The following CHD8 variants were observed in gnomAD, a reference collection of about 807,000 sequenced individuals.
CHD8 encodes the protein chromodomain helicase DNA binding protein 8, also known as ATP-dependent chromatin remodeler CHD8.
A neutral mutation model predicts 279.2 loss-of-function variants in CHD8; 31 were observed. That is an observed-to-expected ratio of 0.11 (90% CI 0.08 to 0.15). CHD8 has a LOEUF of 0.15. Among genes scored for constraint, CHD8 ranks in the 10% least tolerant of loss-of-function variants. The probability of loss-of-function intolerance (pLI) is 1.00; values close to 1 mark genes in which losing one functional copy is unlikely to be tolerated. For synonymous variants in CHD8, 1,081 were observed against 1,139.6 expected, an observed-to-expected ratio of 0.95 and a Z score of 1.04; for missense variants, 2,146 against 3,230.5, an observed-to-expected ratio of 0.66 and a Z score of 8.14.
At chr14:21,425,800 G>C (rs952978135) in intron 5 of CHD8, 9 of 223,428 alleles carry the variant, frequency 4.0e-5, no homozygotes, top group Non-Finnish European at 6.1e-5. Context: ...GCTGGGCGTG[G>C]TGGTGCATGC....
At position 21,408,869 on chromosome 14, in the gene CHD8, A is replaced by G; in HGVS notation, c.2365-44T>C. On this transcript the variant is annotated intron_variant, in intron 11 of 37. Coordinates refer to ENST00000646647, the MANE Select transcript of CHD8 (RefSeq NM_001170629.2). The surrounding 1 kb of genome is among the most constrained non-coding windows in gnomAD (Gnocchi z 4.3). ...GAATAAATGGAGTGGAGACATTATC[A>G]AAAGGTAAGACTTACTAGGTAAGTT... The G allele has an allele frequency of 6.3e-7, 1 of 1,577,510 alleles. No individual in the cohort carries two copies. The highest frequency in any genetic ancestry group is 8.6e-7 in the Non-Finnish European group (1 of 1,160,558).
rs748734274 is a variant in CHD8, at chr14:21,393,885, T to C, written c.5910A>G (p.Ala1970=). ...GTGACAAGGATGGAGCTGGTGCTCC[T>C]GCTTGATGGTTCTGCATATAATTCA... is the stretch of plus-strand genomic sequence containing the variant. ...ARMNYMQNHQ[A]GAPAPSLSRC... The change falls in exon 32 of 38, where the codon GCA becomes GCG. Residue 1970 remains alanine (A), a synonymous_variant. Coordinates refer to ENST00000646647, the MANE Select transcript of CHD8 (RefSeq NM_001170629.2). The C allele has an allele frequency of 2.2e-5, 36 of 1,614,006 alleles. No homozygotes were observed. Among genetic ancestry groups the C allele is most frequent in the Non-Finnish European group, 3.1e-5 (36 of 1,179,874 alleles).
intron 16 of CHD8, among the ~76,000 whole-genome samples, chr14:21,404,040 A>C (rs2139471411): frequency 6.6e-6 from 1 of 151,654 alleles, no homozygotes; most frequent in East Asian, 1.9e-4. Flanking sequence ...TGGTGGTTGC[A>C]GTGAGCTGAG....
In CHD8 at chr14:21,393,656, G is replaced by A. The variant is rs1304697947; in HGVS notation, c.6139C>T (p.Pro2047Ser). The A allele has an allele frequency of 1.2e-6, 2 of 1,613,658 alleles. No individual in the cohort carries two copies. Among genetic ancestry groups the A allele is most frequent in the African/African-American group, 2.7e-5 (2 of 74,906 alleles). The change falls in exon 32 of 38, where the codon CCC (proline) becomes TCC (serine). Residue 2047 changes from proline to serine, a missense_variant. By Grantham distance (74) the Pro-to-Ser change is moderately conservative (BLOSUM62 -1). Coordinates refer to ENST00000646647, the MANE Select transcript of CHD8 (RefSeq NM_001170629.2). ...TPQDYEMRVS[P>S]SDTTPLVSRS... is the part of the protein sequence containing the mutation. Reference sequence around the variant, plus strand: ...GAAACCAGAGGGGTAGTATCAGAGGGGGATACTCGCATCTCATAGTCTTGT... The same window carrying A: ...GAAACCAGAGGGGTAGTATCAGAGGAGGATACTCGCATCTCATAGTCTTGT...
intron 1 of CHD8, among the ~76,000 whole-genome samples, chr14:21,444,899 C>T (rs1442924493): frequency 6.6e-6 from 1 of 152,062 alleles, no homozygotes; most frequent in Non-Finnish European, 1.5e-5. Context: ...GGCAAGATGT[C>T]ACCTTTGAAC....
chr14:21,439,945 ATTAC>A (rs1176684049), intron 1 of CHD8, among the ~76,000 whole-genome samples: 1 of 152,228 alleles, frequency 6.6e-6, no homozygotes, highest in Non-Finnish European at 1.5e-5. Context: ...AATGCTTCTT[ATTAC>A]TTCAATATGT....
intron 5 of CHD8, among the ~76,000 whole-genome samples, chr14:21,420,807 G>A (rs1889001398): frequency 1.3e-5 from 2 of 151,542 alleles, no homozygotes; most frequent in Non-Finnish European, 2.9e-5. Context: ...TTGTTGCCCA[G>A]GCTGGAGTGC....
intron 37 of CHD8, among the ~76,000 whole-genome samples, chr14:21,386,717 G>A (rs1279889785): frequency 1.3e-5 from 2 of 151,938 alleles, no homozygotes; most frequent in East Asian, 3.9e-4. Context: ...GGCGCCTGTA[G>A]TCCCACAGCT....
intron 1 of CHD8, among the ~76,000 whole-genome samples, chr14:21,440,652 A>G (rs1889933953): frequency 6.6e-6 from 1 of 152,216 alleles, no homozygotes; most frequent in African/African-American, 2.4e-5. Flanking sequence ...AGACATGTAG[A>G]GGAAACTCTA....
At chr14:21,399,015 C>A in intron 26 of CHD8, 1 of 407,054 alleles carries the variant, frequency 2.5e-6, no homozygotes, top group Non-Finnish European at 4.9e-6. Flanking sequence ...AGCCAAGATC[C>A]ACGACAAGGA....
chr14:21,441,844 G>A (rs1255701601), intron 1 of CHD8, among the ~76,000 whole-genome samples: 3 of 152,078 alleles, frequency 2.0e-5, no homozygotes, highest in Admixed American at 2.0e-4. Flanking sequence ...AGCCAAGATT[G>A]CGCCACTGCA....
rs928941438 is a variant in CHD8, at chr14:21,412,936, T to C, written c.2203A>G (p.Ser735Gly). Residue 735 changes from serine (S) to glycine (G), a missense_variant, in exon 10 of 38, where the codon AGT (serine) becomes GGT (glycine). Transcript: ENST00000646647. ...ACCTCCCCATTGTCCTTGTCAATAC[T>C]GTGAGACTCATCCAATATCCTATCC... Reference protein sequence around the residue: ...EVDRILDESHSIDKDNGEPVI... With the variant: ...EVDRILDESHGIDKDNGEPVI... 3.1e-6 allele frequency: 5 copies of C among 1,608,140 alleles called. No individual in the cohort carries two copies. In the African/African-American group the frequency reaches 6.7e-5, roughly 21 times the overall value.
intron 1 of CHD8, among the ~76,000 whole-genome samples, chr14:21,441,186 A>G (rs1226638033): frequency 6.6e-6 from 1 of 152,196 alleles, no homozygotes; most frequent in Non-Finnish European, 1.5e-5. Context: ...GGCAGATATT[A>G]GAGTCCAACT....
chr14:21,395,534 C>G (rs1287540856), intron 28 of CHD8, 182 bp from the exon 29 acceptor site: 1 of 603,668 alleles, frequency 1.7e-6, no homozygotes, highest in East Asian at 2.8e-5. Flanking sequence ...GAAAGTAGAA[C>G]CTGAAAGGTC....
chr14:21,447,263 C>T (rs1236718805), intron 1 of CHD8, among the ~76,000 whole-genome samples: 2 of 152,146 alleles, frequency 1.3e-5, no homozygotes, highest in Admixed American at 6.5e-5. Context: ...GTGAGGTACT[C>T]GCTGTTGACA....
At chr14:21,442,253 G>A (rs1242515338) in intron 1 of CHD8, among the ~76,000 whole-genome samples, 1 of 152,166 alleles carries the variant, frequency 6.6e-6, no homozygotes, top group Non-Finnish European at 1.5e-5. Flanking sequence ...GATTGCTTAA[G>A]CCCAAGAGTT....
rs533399746 is a variant in CHD8, at chr14:21,449,075, G to A, written c.-216+6957C>T. Reference sequence around the variant, plus strand: ...TGTAGTCCCAGCTACTCGGGAGGCTGAGGCAGGAGAATGGCGGGAACCCGG... The same window carrying A: ...TGTAGTCCCAGCTACTCGGGAGGCTAAGGCAGGAGAATGGCGGGAACCCGG... On this transcript the variant is annotated intron_variant, in intron 1 of 37. Transcript: ENST00000646647. Among the ~76,000 whole-genome samples, 298 of 152,180 alleles carry A rather than the reference G, an allele frequency of 2.0e-3. 1 individual carries two copies. The highest frequency in any genetic ancestry group is 6.8e-3 in the African/African-American group (281 of 41,566).
Position 21,408,610 on chromosome 14 carries a change from A to G in CHD8, c.2487-55T>C, listed in dbSNP as rs1023761149. ...GTTAAAAGATACTATCTTTAAAAAAAATAGAGTATGTAGGAAGAAATTGTT... is the reference window on the plus strand; with the variant it reads ...GTTAAAAGATACTATCTTTAAAAAAGATAGAGTATGTAGGAAGAAATTGTT... On this transcript the variant is annotated intron_variant, in intron 12 of 37. Transcript: ENST00000646647. The surrounding 1 kb of genome is among the most constrained non-coding windows in gnomAD (Gnocchi z 4.3). 48 of 1,570,726 alleles carry G rather than the reference A, an allele frequency of 3.1e-5. No individual in the cohort carries two copies. The highest frequency in any genetic ancestry group is 3.8e-5 in the Non-Finnish European group (44 of 1,158,862).
intron 4 of CHD8, 95 bp downstream of exon 4, chr14:21,427,774 G>A: frequency 3.3e-6 from 5 of 1,530,222 alleles, no homozygotes; most frequent in East Asian, 2.3e-5. Context: ...GGTACCAGAT[G>A]TTTGCTCTGC....
Sources: allele counts gnomAD v4.1 joint callset (sites outside exome capture counted in the v4.1 genomes callset), GRCh38; gene constraint gnomAD v4.1.1; non-coding constraint Gnocchi (gnomAD v3.1); transcripts MANE v1.5; gene names NCBI Gene and HGNC (gene_info 2026-07-23, HGNC 2026-07-21).